The following ARSL variants were observed in gnomAD, a reference collection of about 807,000 sequenced individuals.
The protein encoded by ARSL is arylsulfatase E (chondrodysplasia punctata 1).
Under a neutral mutation model 31.1 loss-of-function variants are expected in ARSL, and 4 were observed. That is an observed-to-expected ratio of 0.13 (90% CI 0.06 to 0.29). ARSL has a LOEUF of 0.29. ARSL is among the 10% of genes least tolerant of loss of function. The pLI, the probability that ARSL is intolerant of heterozygous loss-of-function variation, is 1.00. For missense variants in ARSL, 312 were observed against 497.8 expected (o/e 0.63, Z 3.55); for synonymous variants, 198 against 209.9 (o/e 0.94, Z 0.49).
intron 3 of ARSL, among the ~76,000 whole-genome samples, chrX:2,957,092 G>C (rs1348924172): frequency 9.3e-6 from 1 of 107,414 alleles, no homozygotes; most frequent in Non-Finnish European, 1.9e-5. Context: ...GTGGTGGTGG[G>C]CGCCTGTAGT....
intron 8 of ARSL, among the ~76,000 whole-genome samples, chrX:2,939,147 G>C (rs781683577): frequency 1.8e-5 from 2 of 111,103 alleles, no homozygotes; most frequent in Non-Finnish European, 3.8e-5. Context: ...AGATCGTCGC[G>C]GAGAAGGATG....
chrX:2,960,665 G>C (rs2089614332), intron 1 of ARSL, among the ~76,000 whole-genome samples: 1 of 111,999 alleles, frequency 8.9e-6, no homozygotes, highest in Non-Finnish European at 1.9e-5. Context: ...ATGGTCTTCA[G>C]AGAAAGAGGA....
rs138072475 is a variant in ARSL, at chrX:2,943,319, A to C, written c.992-120T>G. 1.6e-3 allele frequency: 1,396 copies of C among 888,558 alleles called. 28 individuals are homozygous for C. The East Asian group carries it at 0.042, about 27-fold the overall frequency. 73.2% of individuals were successfully genotyped at this position (888,558 alleles called of 1,213,427 possible). On this transcript the variant is annotated intron_variant, in intron 7 of 10. Transcript: ENST00000381134. ...AAGAATGAAGCCTTAGTTTTAACGC[A>C]TAATGGAAGTCAGCTGTTGGATAAT... is the stretch of plus-strand genomic sequence containing the variant.
At chrX:2,954,480 G>A (rs2089500347) in intron 4 of ARSL, among the ~76,000 whole-genome samples, 1 of 111,417 alleles carries the variant, frequency 9.0e-6, no homozygotes, top group South Asian at 3.8e-4. Flanking sequence ...ATTTTCAGTA[G>A]AGACGGAGTT....
intron 1 of ARSL, among the ~76,000 whole-genome samples, chrX:2,960,967 C>T (rs1012765046): frequency 9.1e-6 from 1 of 110,335 alleles, no homozygotes; most frequent in East Asian, 2.8e-4. Context: ...GCCTGGAATC[C>T]CAGCACTTTG....
rs2089431392 is a variant in ARSL at position 2,949,452 on chromosome X, G to T, written c.706C>A (p.Leu236Ile). ...ACAAAATAGGAGCTTGCGAGGAGGA[G>T]GACGGCCGAAAGGGCTGACCAGATG... ...PVIWSALSAV[L>I]LLASSYFVGA... The change falls in exon 6 of 11, where the codon CTC becomes ATC. Residue 236 changes from leucine (L) to isoleucine (I), a missense_variant. Coordinates refer to ENST00000381134, the MANE Select transcript of ARSL (RefSeq NM_000047.3). 1 of 1,211,426 alleles carries T rather than the reference G, an allele frequency of 8.3e-7. No individual in the cohort carries two copies. The highest frequency in any genetic ancestry group is 2.2e-5 in the Admixed American group (1 of 45,930).
intron 7 of ARSL, among the ~76,000 whole-genome samples, chrX:2,944,223 A>T (rs766465837): frequency 1.3e-4 from 14 of 109,197 alleles, no homozygotes; most frequent in South Asian, 4.0e-4. Context: ...TGGGAGGCTG[A>T]GGCGGGCGGA....
intron 6 of ARSL, among the ~76,000 whole-genome samples, 185 bp downstream of exon 6, chrX:2,949,119 C>T (rs749648501): frequency 9.2e-6 from 1 of 109,090 alleles, no homozygotes. Context: ...TTAGTAGAGA[C>T]GGGGTTTCAC....
chrX:2,945,674 A>G lies in ARSL; in HGVS notation c.991+324T>C, dbSNP rs772752524. On this transcript the variant is annotated intron_variant, in intron 7 of 10. Coordinates refer to ENST00000381134, the MANE Select transcript of ARSL (RefSeq NM_000047.3). ...TTAGAAAGTGGCTATCTTTGGGGCC[A>G]TTTTTATGTCTACCACATCAAGATT... Among the ~76,000 whole-genome samples, 5 of 111,573 alleles carry G rather than the reference A, an allele frequency of 4.5e-5. No homozygotes were observed. The East Asian group carries it at 1.4e-3, about 32-fold the overall frequency.
chrX:2,943,243 A>G, intron 7 of ARSL, 44 bp from the exon 8 acceptor site: 1 of 1,202,343 alleles, frequency 8.3e-7, no homozygotes, highest in Non-Finnish European at 1.1e-6. Context: ...ATGGAAAAAT[A>G]TCAGAAATGC....
At chrX:2,938,884 GAGA>G (rs1324178706) in intron 8 of ARSL, among the ~76,000 whole-genome samples, 1 of 110,655 alleles carries the variant, frequency 9.0e-6, no homozygotes, top group Non-Finnish European at 1.9e-5. Flanking sequence ...CACGGACACA[GAGA>G]AGAAGGTCAC....
At position 2,934,932 on chromosome X, in the gene ARSL, A is replaced by G; in HGVS notation, c.1670T>C (p.Leu557Pro). 1.7e-6 allele frequency: 2 copies of G among 1,209,496 alleles called. No individual in the cohort carries two copies. The highest frequency in any genetic ancestry group is 2.2e-6 in the Non-Finnish European group (2 of 894,072). ...EHQRTLSPVP[L>P]QLDRLGNIWR... ...GATGTTGCCCAGCCTGTCCAGCTGC[A>G]GAGGAACTGGGCTGAGTGTCCGCTG... is the stretch of plus-strand genomic sequence containing the variant. The change falls in exon 11 of 11, where the codon CTG becomes CCG. Residue 557 changes from leucine to proline, a missense_variant. Leu to Pro is a moderately conservative substitution (Grantham distance 98). Coordinates refer to ENST00000381134, the MANE Select transcript of ARSL (RefSeq NM_000047.3).
At position 2,948,849 on chromosome X, in the gene ARSL, T is replaced by C. The variant is rs773334323; in HGVS notation, c.854+455A>G. 2.7e-5 allele frequency among the ~76,000 whole-genome samples: 3 copies of C among 111,328 alleles called. No individual in the cohort carries two copies. The Admixed American group carries it at 2.9e-4, about 11-fold the overall frequency. On this transcript the variant is annotated intron_variant, in intron 6 of 10. Coordinates refer to ENST00000381134, the MANE Select transcript of ARSL (RefSeq NM_000047.3). ...AGTCACAGGGCTCCACTGACCCTCA[T>C]CTATGCCCCATTCTTACCAAAAAAT...
intron 4 of ARSL, among the ~76,000 whole-genome samples, chrX:2,954,849 C>T (rs2089505143): frequency 9.0e-6 from 1 of 111,218 alleles, no homozygotes. Context: ...AAAAGCCTTT[C>T]TTATTTATTG....
intron 2 of ARSL, among the ~76,000 whole-genome samples, chrX:2,960,052 G>A (rs1307903744): frequency 1.9e-5 from 2 of 105,671 alleles, no homozygotes; most frequent in Admixed American, 1.0e-4. Context: ...GGCGGATCAC[G>A]AGGTCAGGAG....
intron 7 of ARSL, among the ~76,000 whole-genome samples, chrX:2,944,437 G>C (rs1293226962): frequency 1.0e-5 from 1 of 97,395 alleles, no homozygotes; most frequent in Non-Finnish European, 2.0e-5. Flanking sequence ...CTGGGCAACA[G>C]AGTGAGACTC....
intron 2 of ARSL, chrX:2,959,654 A>G (rs916834969): frequency 5.2e-6 from 6 of 1,154,481 alleles, no homozygotes; most frequent in Non-Finnish European, 6.9e-6. Context: ...CTGGGGCAAC[A>G]TCAAATCAAG....
intron 7 of ARSL, among the ~76,000 whole-genome samples, chrX:2,944,036 G>A (rs753794862): frequency 4.5e-5 from 5 of 110,345 alleles, no homozygotes; most frequent in East Asian, 2.9e-4. Context: ...AAAATTAGCC[G>A]GGTGTGGTAG....
chrX:2,966,753 GATAC>G (rs1222605111), upstream of ARSL, among the ~76,000 whole-genome samples: 30 of 108,248 alleles, frequency 2.8e-4, no homozygotes, highest in African/African-American at 1.0e-3. Context: ...TATATGTATA[GATAC>G]ATAAAACATG....
Sources: allele counts gnomAD v4.1 joint callset (sites outside exome capture counted in the v4.1 genomes callset), GRCh38; gene constraint gnomAD v4.1.1; transcripts MANE v1.5; gene names NCBI Gene and HGNC (gene_info 2026-07-23, HGNC 2026-07-21).